PTPRD: variants seen among roughly 807,000 people sequenced by gnomAD.
PTPRD encodes receptor-type tyrosine-protein phosphatase delta.
In PTPRD, 34 loss-of-function variants were observed where a neutral mutation model predicts 214.5. The ratio of observed to expected loss-of-function variants is 0.16; its 90% CI spans 0.12 to 0.21. The LOEUF (loss-of-function observed/expected upper bound fraction) is 0.21. PTPRD is among the 10% of genes least tolerant of loss of function. The probability of loss-of-function intolerance (pLI) is 1.00; values close to 1 mark genes in which losing one functional copy is unlikely to be tolerated. For synonymous variants in PTPRD, 1,128 were observed against 845.7 expected (o/e 1.33, Z -5.79); for missense variants, 2,545 against 2,398.7 (o/e 1.06, Z -1.27).
At chr9:8,737,875 T>C (rs897518423) in intron 11 of PTPRD, among the ~76,000 whole-genome samples, 1 of 152,170 alleles carries the variant, frequency 6.6e-6, no homozygotes, top group Admixed American at 6.5e-5. Flanking sequence ...GATCTTGAAC[T>C]CCTGACCTTG....
chr9:9,808,250 C>T (rs1408130), intron 5 of PTPRD, among the ~76,000 whole-genome samples: 84,335 of 151,922 alleles, frequency 0.56, 25,899 homozygotes, highest in East Asian at 0.88. Context: ...ATGAGCATTT[C>T]GAATTAAATT....
chr9:9,263,692 A>G (rs1284113290), intron 9 of PTPRD, among the ~76,000 whole-genome samples: 1 of 151,710 alleles, frequency 6.6e-6, no homozygotes, highest in Non-Finnish European at 1.5e-5. Flanking sequence ...CACAGAAGAT[A>G]TTAAATAATA....
chr9:9,665,530 G>C (rs895595419), intron 7 of PTPRD, among the ~76,000 whole-genome samples: 20 of 151,630 alleles, frequency 1.3e-4, no homozygotes, highest in African/African-American at 4.4e-4. Context: ...TAATTATTCA[G>C]TTAAGAAAAC....
chr9:9,505,710 G>C, intron 8 of PTPRD, among the ~76,000 whole-genome samples: 1 of 151,280 alleles, frequency 6.6e-6, no homozygotes. Context: ...GAAAATAATT[G>C]GGTACTTTTT....
chr9:9,221,974 T>C (rs1569564347), intron 9 of PTPRD, among the ~76,000 whole-genome samples: 1 of 152,116 alleles, frequency 6.6e-6, no homozygotes, highest in African/African-American at 2.4e-5. Flanking sequence ...AAGTGATCTT[T>C]ATAGACATTA....
intron 5 of PTPRD, among the ~76,000 whole-genome samples, chr9:9,854,451 C>G (rs1331215993): frequency 2.0e-5 from 3 of 151,420 alleles, no homozygotes; most frequent in African/African-American, 7.3e-5. Context: ...TAAAGTTTGT[C>G]AAGGAGTAAC....
chr9:9,804,898 A>G (rs1384250860), intron 5 of PTPRD, among the ~76,000 whole-genome samples: 1 of 151,876 alleles, frequency 6.6e-6, no homozygotes, highest in Non-Finnish European at 1.5e-5. Flanking sequence ...CTTGTTAAGT[A>G]TTATAATTTT....
At chr9:9,377,108 G>A (rs1318832476) in intron 9 of PTPRD, among the ~76,000 whole-genome samples, 1 of 151,904 alleles carries the variant, frequency 6.6e-6, no homozygotes, top group Non-Finnish European at 1.5e-5. Context: ...ATTTCAAAAG[G>A]AGTTAAAACA....
At chr9:10,266,634 G>C (rs1384308945) in intron 3 of PTPRD, among the ~76,000 whole-genome samples, 1 of 152,112 alleles carries the variant, frequency 6.6e-6, no homozygotes, top group Non-Finnish European at 1.5e-5. Flanking sequence ...AAGTGGATAG[G>C]AGAGAATGTA....
chr9:9,178,783 C>T (rs1486767481), intron 10 of PTPRD, among the ~76,000 whole-genome samples: 1 of 151,968 alleles, frequency 6.6e-6, no homozygotes, highest in East Asian at 1.9e-4. Flanking sequence ...TTTTACTACC[C>T]TTGAATGAAC....
At chr9:9,630,181 T>C (rs567137681) in intron 7 of PTPRD, among the ~76,000 whole-genome samples, 2 of 152,354 alleles carry the variant, frequency 1.3e-5, no homozygotes, top group South Asian at 4.1e-4. Flanking sequence ...GACTTACAAA[T>C]GCTGAAGCTT....
chr9:9,071,258 T>C (rs2099743299), intron 10 of PTPRD, among the ~76,000 whole-genome samples: 1 of 152,150 alleles, frequency 6.6e-6, no homozygotes, highest in Admixed American at 6.5e-5. Context: ...TGCTCTCCCC[T>C]TGAGTTTGGA....
intron 7 of PTPRD, among the ~76,000 whole-genome samples, chr9:9,606,437 G>T (rs925948866): frequency 2.0e-5 from 3 of 151,810 alleles, no homozygotes; most frequent in Non-Finnish European, 2.9e-5. Context: ...TAGCTTTCAG[G>T]TATTTACTCT....
chr9:8,799,737 A>C (rs1168220270), intron 11 of PTPRD, among the ~76,000 whole-genome samples: 3 of 152,160 alleles, frequency 2.0e-5, no homozygotes, highest in African/African-American at 7.2e-5. Flanking sequence ...TTTTATGTTT[A>C]GATACATTCT....
intron 11 of PTPRD, among the ~76,000 whole-genome samples, chr9:8,865,332 G>C (rs534899661): frequency 1.3e-5 from 2 of 152,216 alleles, no homozygotes; most frequent in East Asian, 3.9e-4. Flanking sequence ...ACAGTTGTTT[G>C]AGAGCAGGAT....
chr9:10,611,268 C>A (rs2080897364), intron 2 of PTPRD, among the ~76,000 whole-genome samples: 1 of 152,136 alleles, frequency 6.6e-6, no homozygotes, highest in Non-Finnish European at 1.5e-5. Flanking sequence ...AAAATCAGGT[C>A]TGTTTTGTCT....
chr9:9,974,108 A>G (rs1375611217), intron 4 of PTPRD, among the ~76,000 whole-genome samples: 1 of 152,212 alleles, frequency 6.6e-6, no homozygotes, highest in Non-Finnish European at 1.5e-5. Flanking sequence ...CTTGCTCAAC[A>G]TCTTTAACTT....
intron 12 of PTPRD, among the ~76,000 whole-genome samples, chr9:8,712,010 A>C (rs558923635): frequency 1.3e-5 from 2 of 152,376 alleles, no homozygotes; most frequent in South Asian, 4.1e-4. Flanking sequence ...TGCTACATGT[A>C]ATTGTAGTAA....
At chr9:9,442,921 C>A (rs748992956) in intron 8 of PTPRD, among the ~76,000 whole-genome samples, 21 of 152,130 alleles carry the variant, frequency 1.4e-4, no homozygotes, top group Admixed American at 3.3e-4. Flanking sequence ...TTTATCCATA[C>A]ATGTAACATG....
Sources: allele counts gnomAD v4.1 joint callset (sites outside exome capture counted in the v4.1 genomes callset), GRCh38; gene constraint gnomAD v4.1.1; transcripts MANE v1.5; gene names NCBI Gene and HGNC (gene_info 2026-07-23, HGNC 2026-07-21).